The following PLCZ1 variants were observed in gnomAD, a reference collection of about 807,000 sequenced individuals.
The protein encoded by PLCZ1 is 1-phosphatidylinositol 4,5-bisphosphate phosphodiesterase zeta-1.
Under a neutral mutation model 76.8 loss-of-function variants are expected in PLCZ1, and 64 were observed. The observed-to-expected ratio is 0.83, with a 90% CI of 0.68 to 1.03. PLCZ1 has a LOEUF of 1.03. Among genes scored for constraint, PLCZ1 ranks in the 50% least tolerant of loss-of-function variants. The pLI is 0.00. For missense variants in PLCZ1, 751 were observed against 713.7 expected (o/e 1.05, Z -0.60); for synonymous variants, 248 against 230.8 (o/e 1.07, Z -0.68).
chr12:18,648,037 A>G, the PLCZ1 span: 9 of 1,559,640 alleles, frequency 5.8e-6, no homozygotes, highest in Non-Finnish European at 7.0e-6. Flanking sequence ...GACCATTGCT[A>G]TGAACATATG....
At chr12:18,717,407 A>G (rs1958110688) in intron 5 of PLCZ1, among the ~76,000 whole-genome samples, 1 of 152,148 alleles carries the variant, frequency 6.6e-6, no homozygotes, top group Non-Finnish European at 1.5e-5. Context: ...TATGTTTGAT[A>G]TTATCTTGGA....
Position 18,696,149 on chromosome 12 carries a change from C to G in PLCZ1, c.1291+1G>C. 1 of 1,418,340 alleles carries G rather than the reference C, an allele frequency of 7.1e-7. No individual in the cohort carries two copies. The highest frequency in any genetic ancestry group is 1.2e-5 in the South Asian group (1 of 86,320). 87.9% of individuals were successfully genotyped at this position (1,418,340 alleles called of 1,614,324 possible). On this transcript the variant is annotated splice_donor_variant, in intron 11 of 14. Transcript: ENST00000266505. LOFTEE classifies it high-confidence loss of function. ...ACAACTCAATATCGTATATAACATA[C>G]CCATTTGACAACCTATATTCCAAAA...
the PLCZ1 span, among the ~76,000 whole-genome samples, chr12:18,670,155 T>A: frequency 7.9e-5 from 12 of 152,204 alleles, no homozygotes; most frequent in African/African-American, 2.9e-4. Flanking sequence ...AGATATCAGA[T>A]CATTAGATAG....
chr12:18,717,931 T>C (rs1958167669), intron 5 of PLCZ1, among the ~76,000 whole-genome samples: 1 of 152,152 alleles, frequency 6.6e-6, no homozygotes, highest in Non-Finnish European at 1.5e-5. Flanking sequence ...CAATATGCTG[T>C]ATGAGATACT....
At chr12:18,713,695 T>C (rs182726036) in intron 5 of PLCZ1, 1 of 152,214 alleles carries the variant, frequency 6.6e-6, no homozygotes, top group Non-Finnish European at 1.5e-5. Context: ...CTCTGTCTAT[T>C]CGACTCATAA....
intron 3 of PLCZ1, among the ~76,000 whole-genome samples, chr12:18,734,180 T>G (rs1454617769): frequency 6.6e-6 from 1 of 152,198 alleles, no homozygotes; most frequent in African/African-American, 2.4e-5. Flanking sequence ...TTGGTTAAAT[T>G]TATTCCTAAG....
intron 5 of PLCZ1, among the ~76,000 whole-genome samples, chr12:18,715,412 T>G (rs1349347794): frequency 1.3e-5 from 2 of 151,624 alleles, no homozygotes; most frequent in African/African-American, 4.8e-5. Flanking sequence ...TTTTTTTTGT[T>G]TTTTTTAGAG....
the PLCZ1 span, among the ~76,000 whole-genome samples, chr12:18,665,840 C>T: frequency 6.6e-6 from 1 of 150,964 alleles, no homozygotes; most frequent in African/African-American, 2.4e-5. Flanking sequence ...GAGGCTGAGG[C>T]AGGGGAATCA....
At chr12:18,665,817 C>T in the PLCZ1 span, among the ~76,000 whole-genome samples, 4 of 151,872 alleles carry the variant, frequency 2.6e-5, no homozygotes, top group African/African-American at 9.7e-5. Context: ...CACCTGTAGT[C>T]CCAGGTACTT....
At chr12:18,662,415 C>A in the PLCZ1 span, among the ~76,000 whole-genome samples, 1 of 150,818 alleles carries the variant, frequency 6.6e-6, no homozygotes. Flanking sequence ...TAAACAAAAG[C>A]TGAGGAAATT....
Position 18,695,063 on chromosome 12 carries a change from C to G in PLCZ1, c.1308G>C (p.Gln436His). ...GCAGATCCATGGGCAGACCAGGGGT[C>G]TGGAAATTTAAAGCCACTGTAAGAA... ...IGCQMVALNFQTPGLPMDLQN... is the reference protein window; with the variant it reads ...IGCQMVALNFHTPGLPMDLQN... Residue 436 changes from glutamine (Q) to histidine (H), a missense_variant, in exon 12 of 15, where the codon CAG (glutamine) becomes CAC (histidine). Gln to His is a conservative substitution (Grantham distance 24). Coordinates refer to ENST00000266505, the MANE Select transcript of PLCZ1 (RefSeq NM_033123.4). The G allele has an allele frequency of 3.1e-6, 5 of 1,612,888 alleles. No homozygotes were observed. Among genetic ancestry groups the G allele is most frequent in the Non-Finnish European group, 4.2e-6 (5 of 1,179,232 alleles).
the PLCZ1 span, chr12:18,648,127 C>A: frequency 1.6e-6 from 1 of 636,042 alleles, no homozygotes; most frequent in Non-Finnish European, 2.5e-6. Flanking sequence ...TTGTCAAAGA[C>A]AGCACAGGGT....
intron 12 of PLCZ1, chr12:18,692,864 A>G (rs1360116741): frequency 6.2e-7 from 1 of 1,602,114 alleles, no homozygotes; most frequent in African/African-American, 1.3e-5. Flanking sequence ...AACCTCCTGT[A>G]CCAACTACAG....
chr12:18,699,436 G>A (rs118139548), intron 10 of PLCZ1, among the ~76,000 whole-genome samples: 11 of 152,140 alleles, frequency 7.2e-5, no homozygotes, highest in Non-Finnish European at 1.5e-4. Flanking sequence ...CTTCTCCTGC[G>A]CACCTTCGCT....
At chr12:18,704,176 C>T (rs1956293315) in intron 7 of PLCZ1, among the ~76,000 whole-genome samples, 1 of 151,884 alleles carries the variant, frequency 6.6e-6, no homozygotes. Flanking sequence ...CAGATGAAGA[C>T]TAAAAGAGGT....
At chr12:18,660,865 A>T in the PLCZ1 span, among the ~76,000 whole-genome samples, 1 of 152,196 alleles carries the variant, frequency 6.6e-6, no homozygotes, top group Non-Finnish European at 1.5e-5. Flanking sequence ...CTAGGCAAAG[A>T]GTTTAAAACA....
intron 11 of PLCZ1, 70 bp from the exon 12 acceptor site, chr12:18,695,149 C>A: frequency 7.0e-7 from 1 of 1,429,940 alleles, no homozygotes; most frequent in Non-Finnish European, 9.8e-7. Context: ...AAACCACTTA[C>A]TGAAATCTAA....
chr12:18,711,067 A>C (rs1398489232), intron 6 of PLCZ1, among the ~76,000 whole-genome samples: 1 of 152,116 alleles, frequency 6.6e-6, no homozygotes, highest in Non-Finnish European at 1.5e-5. Context: ...TCATGCTGCT[A>C]TAAAGACATA....
At chr12:18,716,803 A>AT (rs1176388602) in intron 5 of PLCZ1, among the ~76,000 whole-genome samples, 2 of 152,182 alleles carry the variant, frequency 1.3e-5, no homozygotes, top group Non-Finnish European at 2.9e-5. Context: ...AGATTGTGTA[A>AT]TGTTACTATT....
Sources: allele counts gnomAD v4.1 joint callset (sites outside exome capture counted in the v4.1 genomes callset), GRCh38; gene constraint gnomAD v4.1.1; transcripts MANE v1.5; gene names NCBI Gene and HGNC (gene_info 2026-07-23, HGNC 2026-07-21).